Variants in RAB39A observed in about 807,000 individuals in gnomAD.
RAB39A encodes ras-related protein Rab-39A.
In RAB39A, 17 loss-of-function variants were observed where a neutral mutation model predicts 20.9. The observed-to-expected ratio is 0.81, with a 90% CI of 0.56 to 1.22. The LOEUF (loss-of-function observed/expected upper bound fraction) is 1.22. Ranked by LOEUF, RAB39A falls within the 50% of genes most tolerant of loss-of-function variation. RAB39A has a pLI of 0.00. For missense variants in RAB39A, 234 were observed against 270.5 expected, an observed-to-expected ratio of 0.87 and a Z score of 0.95; for synonymous variants, 99 against 103.4, an observed-to-expected ratio of 0.96 and a Z score of 0.26.
intron 1 of RAB39A, among the ~76,000 whole-genome samples, chr11:107,943,122 G>T (rs1861275892): frequency 6.6e-6 from 1 of 152,166 alleles, no homozygotes; most frequent in Non-Finnish European, 1.5e-5. Flanking sequence ...AGAAACTTCT[G>T]TGAAATGGTT....
intron 1 of RAB39A, among the ~76,000 whole-genome samples, chr11:107,959,940 G>A (rs545596866): frequency 4.5e-4 from 69 of 152,272 alleles, no homozygotes; most frequent in African/African-American, 1.3e-3. Context: ...TATTGGCCGC[G>A]GTGGCTCACG....
At chr11:107,953,066 A>C (rs1323965432) in intron 1 of RAB39A, among the ~76,000 whole-genome samples, 2 of 152,172 alleles carry the variant, frequency 1.3e-5, no homozygotes, top group East Asian at 3.9e-4. Context: ...TTAGTCATGT[A>C]AGATGAGAAA....
chr11:107,935,735 A>C (rs1191450857), intron 1 of RAB39A, among the ~76,000 whole-genome samples: 2 of 151,976 alleles, frequency 1.3e-5, no homozygotes, highest in East Asian at 3.9e-4. Context: ...ATTATCTTTA[A>C]AGCAAAATTA....
At chr11:107,956,682 G>A (rs975585785) in intron 1 of RAB39A, among the ~76,000 whole-genome samples, 1 of 152,226 alleles carries the variant, frequency 6.6e-6, no homozygotes. Context: ...TTCCTCAGCA[G>A]TGTTGAGTGC....
Position 107,928,456 on chromosome 11 carries a change from G to C in RAB39A, c.-113G>C. The C allele has an allele frequency of 2.7e-6, 2 of 746,922 alleles. No individual in the cohort carries two copies. The highest frequency in any genetic ancestry group is 3.8e-6 in the Non-Finnish European group (2 of 527,436). 46.3% of individuals were successfully genotyped at this position (746,922 alleles called of 1,614,324 possible). On this transcript the variant is annotated 5_prime_UTR_variant, in exon 1 of 2. Transcript: ENST00000320578. This position sits in a 1 kb window ranked among gnomAD's most constrained non-coding sequence, Gnocchi z 4.9. ...CACCAGGCGGCGGCCGCAGCCGCAG[G>C]AATATGCTGGAAGGCGGCGGGCGGG...
intron 1 of RAB39A, among the ~76,000 whole-genome samples, chr11:107,959,219 C>A (rs1861470154): frequency 1.3e-5 from 2 of 152,204 alleles, no homozygotes; most frequent in South Asian, 4.1e-4. Context: ...TTTTCAGCCA[C>A]AAAAGGCATT....
intron 1 of RAB39A, among the ~76,000 whole-genome samples, chr11:107,949,544 C>T (rs1393848855): frequency 6.6e-6 from 1 of 152,040 alleles, no homozygotes; most frequent in Non-Finnish European, 1.5e-5. Context: ...CATGTCCTTT[C>T]ATTATGTTAG....
At chr11:107,946,450 ATATATATATATTTTTTTT>A (rs1565464283) in intron 1 of RAB39A, among the ~76,000 whole-genome samples, 4 of 72,436 alleles carry the variant, frequency 5.5e-5, no homozygotes, top group Admixed American at 1.8e-4. Flanking sequence ...ATATATATAT[ATATATATATATTTTTTTT>A]TTTTTTTTTT....
rs1861111489 is a variant in RAB39A, at chr11:107,928,989, A to C, written c.227+194A>C. On this transcript the variant is annotated intron_variant, in intron 1 of 1. Transcript: ENST00000320578. This position sits in a 1 kb window ranked among gnomAD's most constrained non-coding sequence, Gnocchi z 4.9. ...ACGACTTCCTCCTCCGCAATTTCTC[A>C]CTTCTTTCTTTGGCGCCCATTTCCT... Among the ~76,000 whole-genome samples the C allele has an allele frequency of 6.7e-6, 1 of 150,120 alleles. No homozygotes were observed. Among genetic ancestry groups the C allele is most frequent in the South Asian group, 2.1e-4 (1 of 4,738 alleles).
intron 1 of RAB39A, among the ~76,000 whole-genome samples, chr11:107,957,409 T>A (rs1273897724): frequency 6.6e-6 from 1 of 152,196 alleles, no homozygotes; most frequent in African/African-American, 2.4e-5. Flanking sequence ...CATCTCCTCC[T>A]GATCCTAGAG....
chr11:107,937,290 G>A (rs1861203909), intron 1 of RAB39A, among the ~76,000 whole-genome samples: 1 of 151,110 alleles, frequency 6.6e-6, no homozygotes, highest in South Asian at 2.1e-4. Context: ...ACATGCTATG[G>A]CACCCAGCTA....
At chr11:107,949,838 T>A (rs1315058484) in intron 1 of RAB39A, among the ~76,000 whole-genome samples, 1 of 152,210 alleles carries the variant, frequency 6.6e-6, no homozygotes, top group Non-Finnish European at 1.5e-5. Context: ...AAGTACGATT[T>A]AAATTACTAC....
rs879413776 is a variant in RAB39A, at chr11:107,937,303, T to TA, written c.227+8522dup. Among the ~76,000 whole-genome samples, 1,410 of 144,002 alleles carry TA rather than the reference T, an allele frequency of 9.8e-3. 13 individuals carry two copies. The highest frequency in any genetic ancestry group is 0.031 in the African/African-American group (1,217 of 39,316). 94.5% of individuals were successfully genotyped at this position (144,002 alleles called of 152,430 possible). On this transcript the variant is annotated intron_variant, in intron 1 of 1. Coordinates refer to ENST00000320578, the MANE Select transcript of RAB39A (RefSeq NM_017516.3). The stretch of plus-strand genomic sequence containing the variant: ...GCACATGCTATGGCACCCAGCTAAT[T>TA]AAAAAAAAAAAAAATTTGTAGAGAC...
chr11:107,946,537 A>G (rs1384307681), intron 1 of RAB39A, among the ~76,000 whole-genome samples: 1 of 121,822 alleles, frequency 8.2e-6, no homozygotes, highest in Admixed American at 1.0e-4. Flanking sequence ...CAGTGGCGCT[A>G]TCTCAGCTTG....
chr11:107,935,275 C>G lies in RAB39A; in HGVS notation c.227+6480C>G, dbSNP rs112413509. On this transcript the variant is annotated intron_variant, in intron 1 of 1. Transcript: ENST00000320578. ...CAGAGTAGGACGTACCTGAAAGTAG[C>G]AGGAGGAACGCATCCGCCCTAGGTA... 6.5e-3 allele frequency among the ~76,000 whole-genome samples: 991 copies of G among 152,224 alleles called. 10 individuals carry two copies. The highest frequency in any genetic ancestry group is 0.023 in the African/African-American group (943 of 41,540).
chr11:107,951,815 G>C (rs1861383760), intron 1 of RAB39A, among the ~76,000 whole-genome samples: 1 of 151,844 alleles, frequency 6.6e-6, no homozygotes, highest in Non-Finnish European at 1.5e-5. Context: ...GCATTCCAGG[G>C]CCTATGGAGT....
At chr11:107,950,170 ACT>A (rs1778830943) in intron 1 of RAB39A, among the ~76,000 whole-genome samples, 2 of 145,504 alleles carry the variant, frequency 1.4e-5, no homozygotes, top group South Asian at 4.4e-4. Context: ...GCAGAGTGAG[ACT>A]CCGTCTCAAA....
At chr11:107,948,393 A>G (rs1861339849) in intron 1 of RAB39A, among the ~76,000 whole-genome samples, 1 of 151,926 alleles carries the variant, frequency 6.6e-6, no homozygotes, top group African/African-American at 2.4e-5. Context: ...TCCCTTCCCT[A>G]TTGCACTTAG....
intron 1 of RAB39A, among the ~76,000 whole-genome samples, chr11:107,958,319 C>T (rs1861459203): frequency 6.6e-6 from 1 of 152,134 alleles, no homozygotes; most frequent in African/African-American, 2.4e-5. Context: ...GCCTCCCTAC[C>T]TAGTGCTTTT....
Sources: gnomAD v4.1 joint callset for allele counts (sites outside exome capture counted in the v4.1 genomes callset) on GRCh38, gnomAD v4.1.1 for gene constraint, Gnocchi (gnomAD v3.1) non-coding constraint, MANE v1.5 for transcripts, NCBI Gene and HGNC (gene_info 2026-07-23, HGNC 2026-07-21) for gene names.